EPHA4: variants seen among roughly 807,000 people sequenced by gnomAD.
EPHA4 encodes the protein EPH receptor A4.
In EPHA4, 19 loss-of-function variants were observed where a neutral mutation model predicts 108.3. The observed-to-expected ratio is 0.18, with a 90% CI of 0.12 to 0.26. The LOEUF (loss-of-function observed/expected upper bound fraction) is 0.26, where lower values mean the gene tolerates loss of function less well. Ranked by LOEUF, EPHA4 falls within the 10% of genes least tolerant of loss-of-function variation. The pLI is 1.00. For synonymous variants in EPHA4, 449 were observed against 455.5 expected, an observed-to-expected ratio of 0.99 and a Z score of 0.18; for missense variants, 917 against 1,254.0, an observed-to-expected ratio of 0.73 and a Z score of 4.06.
intron 1 of EPHA4, among the ~76,000 whole-genome samples, chr2:221,570,638 C>T (rs780753225): frequency 2.6e-5 from 4 of 151,826 alleles, no homozygotes; most frequent in African/African-American, 9.7e-5. Context: ...CTCCGGGTAC[C>T]GGCTGCCCAG....
At chr2:221,477,759 A>C (rs1691701118) in intron 5 of EPHA4, among the ~76,000 whole-genome samples, 1 of 152,222 alleles carries the variant, frequency 6.6e-6, no homozygotes, top group Non-Finnish European at 1.5e-5. Context: ...TGTTAGAAGA[A>C]TAAGCCTTAC....
intron 17 of EPHA4, among the ~76,000 whole-genome samples, chr2:221,423,373 C>G (rs1034496048): frequency 1.3e-5 from 2 of 152,198 alleles, no homozygotes; most frequent in African/African-American, 4.8e-5. Context: ...TGCATCATTC[C>G]TATTGTTCTC....
intron 5 of EPHA4, among the ~76,000 whole-genome samples, chr2:221,461,946 G>C (rs1221249012): frequency 6.7e-6 from 1 of 150,054 alleles, no homozygotes; most frequent in Admixed American, 6.7e-5. Flanking sequence ...AGTGTCAGAA[G>C]CAAAGCCAGG....
At chr2:221,428,136 AGCC>A (rs1442280751) in intron 15 of EPHA4, among the ~76,000 whole-genome samples, 1 of 152,250 alleles carries the variant, frequency 6.6e-6, no homozygotes, top group East Asian at 1.9e-4. Flanking sequence ...ATTAGACAAA[AGCC>A]AATAGTTTGC....
At chr2:221,515,363 G>A (rs1389663459) in intron 3 of EPHA4, among the ~76,000 whole-genome samples, 1 of 152,120 alleles carries the variant, frequency 6.6e-6, no homozygotes, top group Non-Finnish European at 1.5e-5. Context: ...CCAAAGAGCT[G>A]GAATTACAGG....
chr2:221,563,838 T>G lies in EPHA4; in HGVS notation c.716A>C (p.Glu239Ala). 5.0e-6 allele frequency: 8 copies of G among 1,614,200 alleles called. No homozygotes were observed. Among genetic ancestry groups the G allele is most frequent in the Non-Finnish European group, 6.8e-6 (8 of 1,180,042 alleles). Reference protein sequence around the residue: ...VRGSCVNNSEEKDVPKMYCGA... With the variant: ...VRGSCVNNSEAKDVPKMYCGA... ...ACAGTACATTTTTGGCACATCTTTC[T>G]CTTCTGAGTTGTTGACACAGGAGCC... The change falls in exon 3 of 18, where the codon GAG becomes GCG. Residue 239 changes from glutamate (E) to alanine (A), a missense_variant. Glu to Ala is a moderately radical substitution (Grantham distance 107). Transcript: ENST00000281821.
rs35860178 is a variant in EPHA4, at chr2:221,426,109, C to G, written c.2880G>C (p.Thr960=). 3 of 1,613,892 alleles carry G rather than the reference C, an allele frequency of 1.9e-6. No individual in the cohort carries two copies. The highest frequency in any genetic ancestry group is 1.1e-5 in the South Asian group (1 of 91,062). The change falls in exon 17 of 18, where the codon ACG becomes ACC. Residue 960 remains threonine, a synonymous_variant. Coordinates refer to ENST00000281821, the MANE Select transcript of EPHA4 (RefSeq NM_004438.5). ...CACTGCTCAAAATCTTATTCTGGTG[C>G]GTGATGGCTGTGATACCAATTCTTG... The part of the protein sequence containing the change: ...DLARIGITAI[T]HQNKILSSVQ...
intron 4 of EPHA4, among the ~76,000 whole-genome samples, chr2:221,498,600 TAC>T (rs920472229): frequency 6.6e-5 from 10 of 151,788 alleles, no homozygotes; most frequent in African/African-American, 2.2e-4. Context: ...CTTGCCTATT[TAC>T]AGTTTTTCTG....
At chr2:221,542,179 A>T (rs1693858429) in intron 3 of EPHA4, among the ~76,000 whole-genome samples, 1 of 152,242 alleles carries the variant, frequency 6.6e-6, no homozygotes, top group Admixed American at 6.5e-5. Context: ...AGAAAGAGTG[A>T]AGCATTGTTC....
chr2:221,465,991 C>A (rs1691300141), intron 5 of EPHA4, among the ~76,000 whole-genome samples: 1 of 152,128 alleles, frequency 6.6e-6, no homozygotes, highest in African/African-American at 2.4e-5. Context: ...CCTTTGGGTT[C>A]CCTCCCGGAA....
In EPHA4 at chr2:221,420,081, G is replaced by T. The variant is rs540789775; in HGVS notation, c.*1291C>A. 10 of 152,642 alleles carry T rather than the reference G, an allele frequency of 6.6e-5. No homozygotes were observed. The South Asian group carries it at 1.7e-3, about 25-fold the overall frequency. 9.5% of individuals were successfully genotyped at this position (152,642 alleles called of 1,614,324 possible). A position where few individuals can be genotyped will look rare whatever the true frequency, so the allele number is the denominator to read the frequency against. On this transcript the variant is annotated 3_prime_UTR_variant, in exon 18 of 18. Transcript: ENST00000281821. ...ACACCCTGGGTAAAATGTTACTTCC[G>T]CAATGCATATCATAGGCAGCTCATG...
intron 13 of EPHA4, 39 bp from the exon 14 acceptor site, chr2:221,434,330 T>A: frequency 6.2e-7 from 1 of 1,601,058 alleles, no homozygotes. Flanking sequence ...CTTAAGTACA[T>A]CACTGATGTG....
At chr2:221,469,041 C>T (rs548335329) in intron 5 of EPHA4, among the ~76,000 whole-genome samples, 7 of 152,296 alleles carry the variant, frequency 4.6e-5, no homozygotes, top group East Asian at 1.9e-4. Context: ...GTAATACTAA[C>T]GATCTCTTCC....
intron 3 of EPHA4, among the ~76,000 whole-genome samples, chr2:221,526,807 C>T (rs1006258245): frequency 1.6e-5 from 2 of 126,258 alleles, no homozygotes; most frequent in Non-Finnish European, 3.2e-5. Context: ...AGATCGAGAT[C>T]GCGCCATTGC....
intron 3 of EPHA4, among the ~76,000 whole-genome samples, chr2:221,543,863 C>T (rs778472392): frequency 5.9e-5 from 9 of 152,064 alleles, no homozygotes; most frequent in African/African-American, 1.4e-4. Flanking sequence ...TTCATCTGTT[C>T]GGGCTGCTAT....
chr2:221,447,869 T>C (rs1043838549), intron 8 of EPHA4, among the ~76,000 whole-genome samples: 7 of 137,698 alleles, frequency 5.1e-5, no homozygotes, highest in Non-Finnish European at 6.4e-5. Flanking sequence ...TGAGACAGAG[T>C]GTCACTCTGT....
intron 3 of EPHA4, among the ~76,000 whole-genome samples, chr2:221,515,982 G>C (rs188645410): frequency 2.7e-5 from 4 of 146,898 alleles, no homozygotes; most frequent in Non-Finnish European, 6.0e-5. Flanking sequence ...AAAAGATGAA[G>C]TCATAAATCC....
At position 221,566,947 on chromosome 2, in the gene EPHA4, A is replaced by AAG. The variant is rs1694676946; in HGVS notation, c.159+1769_159+1770dup. On this transcript the variant is annotated intron_variant, in intron 2 of 17. Transcript: ENST00000281821. The stretch of plus-strand genomic sequence containing the variant: ...GAAGGAGAAGGAGAAGGAGAAGGAG[A>AAG]AGGAGAAGGGGAAGAGGAAGAGGAA... Among the ~76,000 whole-genome samples, 4 of 78,724 alleles carry AAG rather than the reference A, an allele frequency of 5.1e-5. 1 individual carries two copies. The highest frequency in any genetic ancestry group is 3.7e-4 in the South Asian group (1 of 2,686). The allele number at this position is 78,724 out of a possible 152,430, so 51.6% of individuals were successfully genotyped here. A position where few individuals can be genotyped will look rare whatever the true frequency, so the allele number is the denominator to read the frequency against.
chr2:221,448,946 C>T (rs1690682799), intron 8 of EPHA4, among the ~76,000 whole-genome samples: 1 of 152,088 alleles, frequency 6.6e-6, no homozygotes, highest in Admixed American at 6.6e-5. Context: ...ATGTGCAAAG[C>T]CAGAGGAAAT....
Sources: gnomAD v4.1 joint callset for allele counts (sites outside exome capture counted in the v4.1 genomes callset) on GRCh38, gnomAD v4.1.1 for gene constraint, MANE v1.5 for transcripts, NCBI Gene and HGNC (gene_info 2026-07-23, HGNC 2026-07-21) for gene names.